The following CEP128 variants were observed in gnomAD, a reference collection of about 807,000 sequenced individuals.
CEP128 encodes the protein centrosomal protein 128.
Under a neutral mutation model 156.7 loss-of-function variants are expected in CEP128, and 132 were observed. The observed-to-expected ratio is 0.84, with a 90% CI of 0.73 to 0.97. CEP128 has a LOEUF of 0.97. Among genes scored for constraint, CEP128 ranks in the 50% least tolerant of loss-of-function variants. The pLI is 0.00. For missense variants in CEP128, 1,252 were observed against 1,281.9 expected (o/e 0.98, Z 0.36); for synonymous variants, 469 against 448.9 (o/e 1.04, Z -0.57).
intron 8 of CEP128, among the ~76,000 whole-genome samples, chr14:80,874,336 C>T (rs1046693192): frequency 4.0e-5 from 6 of 151,794 alleles, no homozygotes; most frequent in Non-Finnish European, 8.8e-5. Context: ...TCATGGTGTA[C>T]AACTGTAATC....
At chr14:80,498,407 C>T (rs1252672040) in intron 24 of CEP128, among the ~76,000 whole-genome samples, 1 of 152,164 alleles carries the variant, frequency 6.6e-6, no homozygotes, top group Non-Finnish European at 1.5e-5. Flanking sequence ...CTGCATGACT[C>T]CCTCATCCTG....
chr14:80,916,655 T>C, intron 2 of CEP128, 93 bp from the exon 3 acceptor site: 1 of 976,324 alleles, frequency 1.0e-6, no homozygotes, highest in Non-Finnish European at 1.5e-6. Flanking sequence ...CTCTTTTCTA[T>C]GTTTAATACA....
chr14:80,838,869 T>C (rs1198370963), intron 10 of CEP128, among the ~76,000 whole-genome samples: 3 of 152,050 alleles, frequency 2.0e-5, no homozygotes, highest in Non-Finnish European at 2.9e-5. Context: ...TAAATATCGA[T>C]AAAAAATGTG....
At chr14:80,524,921 AT>A (rs1888911028) in intron 23 of CEP128, among the ~76,000 whole-genome samples, 1 of 152,160 alleles carries the variant, frequency 6.6e-6, no homozygotes, top group African/African-American at 2.4e-5. Flanking sequence ...ACTAGGCCTG[AT>A]TCCCTCTTCA....
intron 19 of CEP128, among the ~76,000 whole-genome samples, chr14:80,703,321 C>T (rs1897135600): frequency 6.6e-6 from 1 of 152,072 alleles, no homozygotes; most frequent in Non-Finnish European, 1.5e-5. Context: ...CATCTTCCAT[C>T]AGACTGCATT....
At chr14:80,890,705 G>T (rs182781938) in intron 8 of CEP128, among the ~76,000 whole-genome samples, 1 of 152,140 alleles carries the variant, frequency 6.6e-6, no homozygotes, top group Non-Finnish European at 1.5e-5. Context: ...ATGATGGGTT[G>T]ATGGGTGCAG....
At chr14:80,666,219 C>A (rs1400093773) in intron 19 of CEP128, among the ~76,000 whole-genome samples, 1 of 152,152 alleles carries the variant, frequency 6.6e-6, no homozygotes, top group Middle Eastern at 3.2e-3. Context: ...TAAAGAAGGA[C>A]AAGCATAGAT....
At chr14:80,560,854 C>A (rs1890641054) in intron 20 of CEP128, among the ~76,000 whole-genome samples, 1 of 152,078 alleles carries the variant, frequency 6.6e-6, no homozygotes, top group Non-Finnish European at 1.5e-5. Context: ...ATTGTGGGAC[C>A]TTGTGATCGT....
intron 18 of CEP128, among the ~76,000 whole-genome samples, chr14:80,749,603 T>C (rs948038325): frequency 6.6e-6 from 1 of 152,076 alleles, no homozygotes; most frequent in Admixed American, 6.6e-5. Flanking sequence ...AGATAGAAAG[T>C]AGAATGATGG....
intron 24 of CEP128, among the ~76,000 whole-genome samples, chr14:80,498,985 C>T (rs961180981): frequency 1.3e-5 from 2 of 152,144 alleles, no homozygotes; most frequent in Non-Finnish European, 2.9e-5. Context: ...TAAAAATATC[C>T]GGCGTTTAAC....
At chr14:80,516,376 C>T (rs548750523) in intron 23 of CEP128, among the ~76,000 whole-genome samples, 1 of 152,274 alleles carries the variant, frequency 6.6e-6, no homozygotes, top group East Asian at 1.9e-4. Context: ...CTCCTTTCCC[C>T]AACTAAAGCT....
At chr14:80,609,484 T>C (rs931041837) in intron 19 of CEP128, among the ~76,000 whole-genome samples, 1 of 152,200 alleles carries the variant, frequency 6.6e-6, no homozygotes, top group Non-Finnish European at 1.5e-5. Context: ...CCCCATCCAC[T>C]GGGTATTTGG....
intron 14 of CEP128, among the ~76,000 whole-genome samples, chr14:80,485,475 A>G (rs968602913): frequency 9.9e-5 from 15 of 152,156 alleles, no homozygotes; most frequent in African/African-American, 3.6e-4. Flanking sequence ...AAGTCTAGTC[A>G]TACCAACCTC....
chr14:80,692,168 T>C (rs1348052595), intron 19 of CEP128, among the ~76,000 whole-genome samples: 1 of 152,196 alleles, frequency 6.6e-6, no homozygotes, highest in Non-Finnish European at 1.5e-5. Flanking sequence ...GCCAGAAAGA[T>C]GGATCAGCAT....
chr14:80,575,847 T>C (rs1246050500), intron 20 of CEP128, among the ~76,000 whole-genome samples: 3 of 152,190 alleles, frequency 2.0e-5, no homozygotes, highest in East Asian at 3.9e-4. Context: ...GTAAAAATTA[T>C]GTTCATAATC....
chr14:80,896,822 A>G (rs1364355851), intron 7 of CEP128, among the ~76,000 whole-genome samples: 1 of 152,102 alleles, frequency 6.6e-6, no homozygotes, highest in Non-Finnish European at 1.5e-5. Context: ...CTTTTTGAAG[A>G]CCTTCTTCTC....
intron 21 of CEP128, among the ~76,000 whole-genome samples, chr14:80,558,223 C>A (rs1890519144): frequency 6.6e-6 from 1 of 151,948 alleles, no homozygotes; most frequent in South Asian, 2.1e-4. Flanking sequence ...TTTGTATAAC[C>A]ACTGTGGCAT....
chr14:80,536,199 C>T (rs1248222958), intron 21 of CEP128, among the ~76,000 whole-genome samples: 2 of 152,070 alleles, frequency 1.3e-5, no homozygotes, highest in Non-Finnish European at 2.9e-5. Flanking sequence ...GAATGCATTG[C>T]AATTCTTAGA....
At chr14:80,636,008 T>C (rs1444895852) in intron 19 of CEP128, among the ~76,000 whole-genome samples, 1 of 152,220 alleles carries the variant, frequency 6.6e-6, no homozygotes, top group Non-Finnish European at 1.5e-5. Flanking sequence ...TATATGCAAA[T>C]ATTCCAAAAT....
Sources: allele counts gnomAD v4.1 joint callset (sites outside exome capture counted in the v4.1 genomes callset), GRCh38; gene constraint gnomAD v4.1.1; transcripts MANE v1.5; gene names NCBI Gene and HGNC (gene_info 2026-07-23, HGNC 2026-07-21).